RELN: variants seen among roughly 807,000 people sequenced by gnomAD.
The protein encoded by RELN is reelin.
A neutral mutation model predicts 427.6 loss-of-function variants in RELN; 108 were observed. The ratio of observed to expected loss-of-function variants is 0.25; its 90% CI spans 0.22 to 0.30. The LOEUF is 0.30. Ranked by LOEUF, RELN falls within the 10% of genes least tolerant of loss-of-function variation. The pLI is 1.00. For synonymous variants in RELN, 1,524 were observed against 1,513.4 expected, an observed-to-expected ratio of 1.01 and a Z score of -0.16; for missense variants, 3,715 against 4,302.8, an observed-to-expected ratio of 0.86 and a Z score of 3.82.
chr7:103,478,872 C>T (rs528721743), intron 63 of RELN, among the ~76,000 whole-genome samples: 10 of 152,222 alleles, frequency 6.6e-5, no homozygotes, highest in South Asian at 2.1e-4. Context: ...ATGTAATATG[C>T]TCATTTCCGT....
intron 2 of RELN, among the ~76,000 whole-genome samples, chr7:103,888,246 T>A (rs11300936): frequency 0.032 from 881 of 27,786 alleles, 7 homozygotes; most frequent in African/African-American, 0.068. Context: ...GAAAAAAAAA[T>A]ATATATATAT....
intron 52 of RELN, among the ~76,000 whole-genome samples, chr7:103,501,504 T>C (rs1829028321): frequency 6.6e-6 from 1 of 152,182 alleles, no homozygotes. Flanking sequence ...CTCTGTCTTC[T>C]GGGGGAAAAA....
chr7:103,974,253 C>T lies in RELN; in HGVS notation c.226+14878G>A, dbSNP rs77818739. Among the ~76,000 whole-genome samples, 1,176 of 152,236 alleles carry T rather than the reference C, an allele frequency of 7.7e-3. 16 individuals carry two copies. Among genetic ancestry groups the T allele is most frequent in the African/African-American group, 0.026 (1,088 of 41,520 alleles). Reference sequence around the variant, plus strand: ...GAAGATCCAAAACAACCCTGTGTGACGAGTACTATCATCACTATTTTTCAG... The same window carrying T: ...GAAGATCCAAAACAACCCTGTGTGATGAGTACTATCATCACTATTTTTCAG... On this transcript the variant is annotated intron_variant, in intron 1 of 64. Transcript: ENST00000428762.
At chr7:103,816,983 C>G (rs1343112938) in intron 3 of RELN, among the ~76,000 whole-genome samples, 1 of 152,086 alleles carries the variant, frequency 6.6e-6, no homozygotes, top group East Asian at 1.9e-4. Flanking sequence ...TCCCAAGTAG[C>G]TGGGACTATA....
At chr7:103,638,402 T>A (rs1385467953) in intron 17 of RELN, among the ~76,000 whole-genome samples, 1 of 152,042 alleles carries the variant, frequency 6.6e-6, no homozygotes, top group African/African-American at 2.4e-5. Context: ...CCAGAAAGTG[T>A]TAGAGGGAAC....
intron 1 of RELN, among the ~76,000 whole-genome samples, chr7:103,964,018 G>T (rs1035683033): frequency 1.1e-4 from 17 of 152,070 alleles, no homozygotes; most frequent in African/African-American, 4.1e-4. Flanking sequence ...AATCAGCCAG[G>T]CATGGTGGCA....
intron 1 of RELN, among the ~76,000 whole-genome samples, chr7:103,951,682 T>C (rs1235691992): frequency 6.6e-6 from 1 of 151,950 alleles, no homozygotes; most frequent in Non-Finnish European, 1.5e-5. Flanking sequence ...TAGCCTTTTT[T>C]TTTTTTAAAA....
Position 103,569,452 on chromosome 7 carries a change from T to A in RELN, c.4589-2693A>T, listed in dbSNP as rs1430555120. Among the ~76,000 whole-genome samples, 1 of 152,228 alleles carries A rather than the reference T, an allele frequency of 6.6e-6. No individual in the cohort carries two copies. Among genetic ancestry groups the A allele is most frequent in the Non-Finnish European group, 1.5e-5 (1 of 68,044 alleles). On this transcript the variant is annotated intron_variant, in intron 31 of 64. Coordinates refer to ENST00000428762, the MANE Select transcript of RELN (RefSeq NM_005045.4). The surrounding 1 kb of genome is among the most constrained non-coding windows in gnomAD (Gnocchi z 4.0). Reference sequence around the variant, plus strand: ...GTAAGATAACAAATATTTGATGTCTTAAGCTACTTAGTTGTGGAATAATTT... The same window carrying A: ...GTAAGATAACAAATATTTGATGTCTAAAGCTACTTAGTTGTGGAATAATTT...
In RELN at chr7:103,551,229, A is replaced by T. The variant is rs747802110; in HGVS notation, c.6140T>A (p.Phe2047Tyr). 4 of 1,614,028 alleles carry T rather than the reference A, an allele frequency of 2.5e-6. No individual in the cohort carries two copies. Among genetic ancestry groups the T allele is most frequent in the Non-Finnish European group, 8.5e-7 (1 of 1,180,000 alleles). The stretch of plus-strand genomic sequence containing the variant: ...CAGCAGAAGGTGCCAGGTCGCCCCG[A>T]AGTCCCTTGAAAATTCCAGTCTCAC... ...DPVRLEFSRD[F>Y]GATWHLLLPL... The change falls in exon 41 of 65, where the codon TTC becomes TAC. Residue 2047 changes from phenylalanine to tyrosine, a missense_variant. Phe to Tyr is a conservative substitution (Grantham distance 22, BLOSUM62 3). Transcript: ENST00000428762.
At chr7:103,942,051 T>C (rs1361729382) in intron 1 of RELN, among the ~76,000 whole-genome samples, 2 of 152,100 alleles carry the variant, frequency 1.3e-5, no homozygotes, top group South Asian at 2.1e-4. Context: ...TTACACACTA[T>C]ACATTTTCAT....
At chr7:103,512,109 G>C (rs1400433744) in intron 50 of RELN, among the ~76,000 whole-genome samples, 1 of 152,044 alleles carries the variant, frequency 6.6e-6, no homozygotes, top group Non-Finnish European at 1.5e-5. Context: ...CAGATCTCTA[G>C]AACTTATTTC....
chr7:103,852,461 A>G (rs1510858), intron 2 of RELN, among the ~76,000 whole-genome samples: 38,838 of 152,000 alleles, frequency 0.26, 5,025 homozygotes, highest in South Asian at 0.36. Flanking sequence ...TTTCTCACAT[A>G]TGAAATATAG....
At chr7:103,613,107 G>A (rs1214325761) in intron 20 of RELN, among the ~76,000 whole-genome samples, 2 of 152,124 alleles carry the variant, frequency 1.3e-5, no homozygotes, top group Admixed American at 1.3e-4. Context: ...ACTTTCCTTA[G>A]TTCCATCTTT....
intron 6 of RELN, among the ~76,000 whole-genome samples, chr7:103,730,443 T>C (rs1020528902): frequency 2.0e-5 from 3 of 151,922 alleles, no homozygotes; most frequent in Admixed American, 6.6e-5. Context: ...AGATGTTTGA[T>C]GTCTTTGGAG....
At chr7:103,760,521 C>G (rs1482987696) in intron 4 of RELN, among the ~76,000 whole-genome samples, 1 of 151,908 alleles carries the variant, frequency 6.6e-6, no homozygotes, top group Non-Finnish European at 1.5e-5. Flanking sequence ...GAACAAATTA[C>G]TCAGTGCAAA....
intron 20 of RELN, among the ~76,000 whole-genome samples, chr7:103,612,788 C>G (rs1831991332): frequency 6.6e-6 from 1 of 152,084 alleles, no homozygotes; most frequent in African/African-American, 2.4e-5. Context: ...CAATTAAGTA[C>G]TACATAATTA....
At chr7:103,726,423 C>G (rs565901) in intron 7 of RELN, among the ~76,000 whole-genome samples, 138,731 of 152,178 alleles carry the variant, frequency 0.91, 63,427 homozygotes, top group East Asian at 1. Flanking sequence ...CCCAAATGAA[C>G]ATAATTATTT....
intron 1 of RELN, among the ~76,000 whole-genome samples, chr7:103,952,089 C>T (rs4236564): frequency 0.72 from 110,180 of 152,276 alleles, 40,968 homozygotes; most frequent in African/African-American, 0.9. Flanking sequence ...ATTGTCAAGT[C>T]AGTTCTCAAT....
In RELN at chr7:103,640,789, C is replaced by G. The variant is rs1444469893; in HGVS notation, c.2003-180G>C. On this transcript the variant is annotated intron_variant, in intron 16 of 64. Transcript: ENST00000428762. This position sits in a 1 kb window ranked among gnomAD's most constrained non-coding sequence, Gnocchi z 4.1. ...TTAGTTACAAAGCTGCTGAAACAGT[C>G]ACAAGTTATACAGATAATCCTTTTA... Among the ~76,000 whole-genome samples the G allele has an allele frequency of 6.6e-6, 1 of 152,130 alleles. No individual in the cohort carries two copies. The highest frequency in any genetic ancestry group is 1.5e-5 in the Non-Finnish European group (1 of 68,020).
Sources: allele counts gnomAD v4.1 joint callset (sites outside exome capture counted in the v4.1 genomes callset), GRCh38; gene constraint gnomAD v4.1.1; non-coding constraint Gnocchi (gnomAD v3.1); transcripts MANE v1.5; gene names NCBI Gene and HGNC (gene_info 2026-07-23, HGNC 2026-07-21).